The following DCDC1 variants were observed in gnomAD, a reference collection of about 807,000 sequenced individuals.
DCDC1 encodes doublecortin domain containing 1.
In DCDC1, 200 loss-of-function variants were observed where a neutral mutation model predicts 178.3. That is an observed-to-expected ratio of 1.12 (90% CI 1.00 to 1.26). The LOEUF (loss-of-function observed/expected upper bound fraction) is 1.26, where lower values mean the gene tolerates loss of function less well. DCDC1 is among the 50% of genes most tolerant of loss of function. DCDC1 has a pLI of 0.00. For synonymous variants in DCDC1, 690 were observed against 604.8 expected (o/e 1.14, Z -2.07); for missense variants, 1,983 against 1,749.2 (o/e 1.13, Z -2.38).
At chr11:30,948,294 C>G (rs1220992658) in intron 21 of DCDC1, among the ~76,000 whole-genome samples, 1 of 152,108 alleles carries the variant, frequency 6.6e-6, no homozygotes, top group African/African-American at 2.4e-5. Flanking sequence ...ATACAACTTA[C>G]AAGGGATGTG....
intron 9 of DCDC1, among the ~76,000 whole-genome samples, chr11:31,140,764 A>G (rs1421413896): frequency 6.6e-6 from 1 of 151,022 alleles, no homozygotes. Context: ...AAACTAAGGG[A>G]AAAAAATCCA....
At chr11:31,345,698 C>A (rs1950781344) in intron 1 of DCDC1, among the ~76,000 whole-genome samples, 1 of 152,124 alleles carries the variant, frequency 6.6e-6, no homozygotes, top group Non-Finnish European at 1.5e-5. Flanking sequence ...TTGGAGATTG[C>A]TGGACCACCA....
intron 7 of DCDC1, among the ~76,000 whole-genome samples, chr11:31,276,525 A>G (rs1324337656): frequency 1.3e-5 from 2 of 152,146 alleles, no homozygotes; most frequent in Non-Finnish European, 2.9e-5. Flanking sequence ...GAATTTTCCA[A>G]GAATTAAAAT....
At chr11:30,912,921 T>C (rs1310131253) in intron 27 of DCDC1, among the ~76,000 whole-genome samples, 1 of 152,210 alleles carries the variant, frequency 6.6e-6, no homozygotes, top group African/African-American at 2.4e-5. Flanking sequence ...TTCTACTACA[T>C]AGTGTAACCC....
At chr11:31,131,779 A>G (rs2135960941) in intron 10 of DCDC1, among the ~76,000 whole-genome samples, 1 of 152,332 alleles carries the variant, frequency 6.6e-6, no homozygotes, top group African/African-American at 2.4e-5. Flanking sequence ...ATTGTATTTC[A>G]CTAGTCAATT....
chr11:31,022,553 C>G (rs1456217942), intron 20 of DCDC1, among the ~76,000 whole-genome samples: 1 of 151,534 alleles, frequency 6.6e-6, no homozygotes, highest in Non-Finnish European at 1.5e-5. Flanking sequence ...GATGTCACCT[C>G]ATTTTTAGTT....
intron 1 of DCDC1, among the ~76,000 whole-genome samples, chr11:31,337,536 A>T (rs1950333760): frequency 6.6e-6 from 1 of 152,144 alleles, no homozygotes; most frequent in African/African-American, 2.4e-5. Flanking sequence ...ATGATTGCAC[A>T]CACCTCTAGT....
intron 1 of DCDC1, among the ~76,000 whole-genome samples, chr11:31,355,964 T>C (rs1373284691): frequency 1.4e-4 from 22 of 152,092 alleles, no homozygotes. Flanking sequence ...CAAGGTGTTA[T>C]TTGTACCGGT....
intron 9 of DCDC1, among the ~76,000 whole-genome samples, chr11:31,216,680 T>A (rs946151784): frequency 2.0e-5 from 3 of 152,200 alleles, no homozygotes; most frequent in Admixed American, 6.5e-5. Context: ...CCTCCAGCCA[T>A]CCCAATGCTT....
rs189399792 is a variant in DCDC1 at position 31,143,693 on chromosome 11, C to G, written c.1222-5909G>C. ...AGAGATGCCTTAACTAAGTCCTGAC[C>G]TAGCCCCTACTTTTAGTAATGTAAT... On this transcript the variant is annotated intron_variant, in intron 9 of 38. Coordinates refer to ENST00000684477, the MANE Select transcript of DCDC1 (RefSeq NM_001387274.1). Among the ~76,000 whole-genome samples, 21 of 152,286 alleles carry G rather than the reference C, an allele frequency of 1.4e-4. No individual in the cohort carries two copies. In the East Asian group the frequency reaches 4.1e-3, roughly 29 times the overall value.
At chr11:31,172,312 T>A (rs1164619828) in intron 9 of DCDC1, among the ~76,000 whole-genome samples, 1 of 152,148 alleles carries the variant, frequency 6.6e-6, no homozygotes, top group Non-Finnish European at 1.5e-5. Context: ...ATTATTTTAA[T>A]ATAAGCATAG....
chr11:30,963,105 G>C (rs933851239), intron 20 of DCDC1, among the ~76,000 whole-genome samples: 1 of 152,032 alleles, frequency 6.6e-6, no homozygotes, highest in Non-Finnish European at 1.5e-5. Context: ...TTATTTAAAT[G>C]AAAGCAAGAT....
chr11:31,337,222 G>C (rs909088560), intron 1 of DCDC1, among the ~76,000 whole-genome samples: 1 of 152,156 alleles, frequency 6.6e-6, no homozygotes, highest in South Asian at 2.1e-4. Flanking sequence ...ATTTAACTCA[G>C]AGTCTAGTAA....
chr11:31,253,392 T>A (rs1226471353), intron 8 of DCDC1, among the ~76,000 whole-genome samples: 1 of 151,016 alleles, frequency 6.6e-6, no homozygotes, highest in African/African-American at 2.4e-5. Flanking sequence ...AGTCTTGCTC[T>A]GTCACCCAGG....
intron 9 of DCDC1, among the ~76,000 whole-genome samples, chr11:31,208,972 C>T (rs1972183623): frequency 6.6e-6 from 1 of 152,150 alleles, no homozygotes; most frequent in Non-Finnish European, 1.5e-5. Context: ...TGCCCTACCC[C>T]TCAGCAAGCT....
chr11:31,187,093 C>CCCCA (rs1255723182), intron 9 of DCDC1, among the ~76,000 whole-genome samples: 3 of 152,138 alleles, frequency 2.0e-5, no homozygotes, highest in Non-Finnish European at 4.4e-5. Context: ...GCCCCTAAAC[C>CCCCA]CCCACTTCAA....
Position 31,307,838 on chromosome 11 carries a change from G to T in DCDC1, c.235C>A (p.Pro79Thr). The T allele has an allele frequency of 6.2e-6, 10 of 1,614,030 alleles. No homozygotes were observed. The highest frequency in any genetic ancestry group is 8.5e-6 in the Non-Finnish European group (10 of 1,179,980). The change falls in exon 4 of 39, where the codon CCC (proline) becomes ACC (threonine). Residue 79 changes from proline (P) to threonine (T), a missense_variant. By Grantham distance (38) the Pro-to-Thr change is conservative (BLOSUM62 -1). Coordinates refer to ENST00000684477, the MANE Select transcript of DCDC1 (RefSeq NM_001387274.1). ...GCTGCTGAATGCACGAGTCTGTTGG[G>T]GCCAAACTGAGACTGCAAATAATCA... is the stretch of plus-strand genomic sequence containing the variant. ...TDDYLQSQFG[P>T]NRLVHSAAVS... is the part of the protein sequence containing the mutation.
At position 31,274,696 on chromosome 11, in the gene DCDC1, T is replaced by C. The variant is rs200548026; in HGVS notation, c.961-9096A>G. Among the ~76,000 whole-genome samples the C allele has an allele frequency of 9.8e-3, 1,221 of 124,150 alleles. 21 individuals are homozygous for C. Among genetic ancestry groups the C allele is most frequent in the African/African-American group, 0.039 (1,169 of 29,706 alleles). 81.4% of individuals were successfully genotyped at this position (124,150 alleles called of 152,430 possible). A position where few individuals can be genotyped will look rare whatever the true frequency, so the allele number is the denominator to read the frequency against. ...TTTAATGATATGATCATTTCACAAA[T>C]GTCTTTTTTTTTTTTTTTTTCCGAG... On this transcript the variant is annotated intron_variant, in intron 7 of 38. Transcript: ENST00000684477.
intron 20 of DCDC1, among the ~76,000 whole-genome samples, chr11:30,962,528 T>G (rs1949161851): frequency 6.6e-6 from 1 of 152,068 alleles, no homozygotes; most frequent in Non-Finnish European, 1.5e-5. Context: ...TAATGTTATA[T>G]TATATCCCTC....
Sources: gnomAD v4.1 joint callset for allele counts (sites outside exome capture counted in the v4.1 genomes callset) on GRCh38, gnomAD v4.1.1 for gene constraint, MANE v1.5 for transcripts, NCBI Gene and HGNC (gene_info 2026-07-23, HGNC 2026-07-21) for gene names.